The following TMTC1 variants were observed in gnomAD, a reference collection of about 807,000 sequenced individuals.
TMTC1 encodes protein O-mannosyl-transferase TMTC1.
TMTC1 carries 73 observed loss-of-function variants against 104.8 expected under a neutral mutation model. The observed-to-expected ratio is 0.70, with a 90% CI of 0.58 to 0.85. TMTC1 has a LOEUF of 0.85. TMTC1 is among the 40% of genes least tolerant of loss of function. TMTC1 has a pLI of 0.00. For synonymous variants in TMTC1, 434 were observed against 428.7 expected (o/e 1.01, Z -0.15); for missense variants, 1,035 against 1,096.1 (o/e 0.94, Z 0.79).
At position 29,505,147 on chromosome 12, in the gene TMTC1, A is replaced by C. The variant is rs1943670607; in HGVS notation, c.*1699T>G. The C allele has an allele frequency of 6.6e-6, 1 of 152,192 alleles. No individual in the cohort carries two copies. Among genetic ancestry groups the C allele is most frequent in the African/African-American group, 2.4e-5 (1 of 41,436 alleles). 9.4% of individuals were successfully genotyped at this position (152,192 alleles called of 1,614,324 possible). On this transcript the variant is annotated 3_prime_UTR_variant, in exon 18 of 18. Transcript: ENST00000539277. ...CTCCCTTCGCCATGCCTTCCGAAGA[A>C]GTTTTTCTTGTTTATTTAGACTTAC...
chr12:29,768,813 T>G (rs1400280165), intron 1 of TMTC1, among the ~76,000 whole-genome samples: 1 of 152,174 alleles, frequency 6.6e-6, no homozygotes, highest in Non-Finnish European at 1.5e-5. Flanking sequence ...GAAAACCAAT[T>G]GCTCAACATC....
chr12:29,577,658 G>A (rs1191035370), intron 8 of TMTC1, among the ~76,000 whole-genome samples: 3 of 152,114 alleles, frequency 2.0e-5, no homozygotes, highest in Non-Finnish European at 1.5e-5. Context: ...ATAAGTGACA[G>A]TATTGCATTT....
intron 11 of TMTC1, chr12:29,534,612 A>G (rs1453043366): frequency 3.3e-5 from 5 of 152,240 alleles, no homozygotes; most frequent in Non-Finnish European, 7.3e-5. Flanking sequence ...ACAAGTAAGG[A>G]AAAAGTATAT....
intron 6 of TMTC1, among the ~76,000 whole-genome samples, chr12:29,615,980 G>A (rs1946967390): frequency 6.6e-6 from 1 of 152,148 alleles, no homozygotes; most frequent in Admixed American, 6.5e-5. Context: ...CACGTTGCAA[G>A]AACATTTATC....
chr12:29,734,906 A>T (rs1591990064), intron 5 of TMTC1, among the ~76,000 whole-genome samples: 9 of 152,230 alleles, frequency 5.9e-5, no homozygotes, highest in Admixed American at 5.9e-4. Context: ...GTATAAATAT[A>T]GTCAGAACAT....
chr12:29,516,022 T>A (rs1446408676), intron 15 of TMTC1, among the ~76,000 whole-genome samples: 1 of 151,326 alleles, frequency 6.6e-6, no homozygotes, highest in Non-Finnish European at 1.5e-5. Flanking sequence ...GTTATGAGGA[T>A]TACATAAAAC....
chr12:29,631,866 G>T (rs1248346232), intron 6 of TMTC1, among the ~76,000 whole-genome samples: 1 of 152,058 alleles, frequency 6.6e-6, no homozygotes, highest in Admixed American at 6.6e-5. Flanking sequence ...TGCCAACATG[G>T]CTTTGTGATC....
intron 1 of TMTC1, among the ~76,000 whole-genome samples, chr12:29,781,031 A>G (rs1473072188): frequency 6.6e-6 from 1 of 152,244 alleles, no homozygotes; most frequent in Non-Finnish European, 1.5e-5. Flanking sequence ...TTCATAGCGA[A>G]TAGTTAATAA....
intron 5 of TMTC1, among the ~76,000 whole-genome samples, chr12:29,675,795 A>C (rs552446660): frequency 6.6e-6 from 1 of 152,300 alleles, no homozygotes; most frequent in South Asian, 2.1e-4. Flanking sequence ...TTTTCATCTA[A>C]CTTGGATGAG....
chr12:29,579,700 T>C (rs1945922941), intron 8 of TMTC1, among the ~76,000 whole-genome samples: 1 of 152,168 alleles, frequency 6.6e-6, no homozygotes, highest in Admixed American at 6.5e-5. Context: ...TCCAAACAAA[T>C]GTAGGGTTCT....
At chr12:29,571,583 T>TAC (rs36015543) in intron 9 of TMTC1, among the ~76,000 whole-genome samples, 8,303 of 148,094 alleles carry the variant, frequency 0.056, 364 homozygotes, top group African/African-American at 0.13. Context: ...CACACACACA[T>TAC]ACACACACAC....
intron 6 of TMTC1, among the ~76,000 whole-genome samples, chr12:29,620,059 A>G (rs961487809): frequency 9.9e-5 from 15 of 152,218 alleles, no homozygotes; most frequent in African/African-American, 3.6e-4. Flanking sequence ...AAAGGCAGTC[A>G]ATTGGATTTC....
At chr12:29,691,720 GAA>G (rs34338128) in intron 5 of TMTC1, among the ~76,000 whole-genome samples, 2 of 109,456 alleles carry the variant, frequency 1.8e-5, no homozygotes, top group Non-Finnish European at 3.7e-5. Flanking sequence ...CCAAAAGTAG[GAA>G]AAAAAAAAAA....
chr12:29,532,481 T>A (rs7314549), intron 11 of TMTC1: 1 of 152,026 alleles, frequency 6.6e-6, no homozygotes, highest in Non-Finnish European at 1.5e-5. Context: ...ATTAACCATA[T>A]ATTACAGCAA....
In TMTC1 at chr12:29,504,157, G is replaced by A. The variant is rs1943651163; in HGVS notation, c.*2689C>T. On this transcript the variant is annotated 3_prime_UTR_variant, in exon 18 of 18. Transcript: ENST00000539277. ...AGCTCGGGGTGCTTCTGTATGCAAG[G>A]CCCTGTGGGACTGCAAAAATTGCAC... The A allele has an allele frequency of 6.6e-6, 1 of 151,662 alleles. No homozygotes were observed. Among genetic ancestry groups the A allele is most frequent in the Non-Finnish European group, 1.5e-5 (1 of 67,902 alleles). The allele number at this position is 151,662 out of a possible 1,614,324, so 9.4% of individuals were successfully genotyped here.
intron 2 of TMTC1, among the ~76,000 whole-genome samples, chr12:29,759,068 T>C (rs560510941): frequency 2.4e-4 from 36 of 152,336 alleles, no homozygotes; most frequent in African/African-American, 8.7e-4. Context: ...TTTATTCATG[T>C]ATTAACTTAT....
chr12:29,623,386 C>T (rs1010483955), intron 6 of TMTC1, among the ~76,000 whole-genome samples: 2 of 152,182 alleles, frequency 1.3e-5, no homozygotes, highest in Non-Finnish European at 2.9e-5. Flanking sequence ...AAAGAGTATG[C>T]TCCCACCTCC....
chr12:29,606,717 T>C (rs545313104), intron 6 of TMTC1, among the ~76,000 whole-genome samples: 1 of 152,286 alleles, frequency 6.6e-6, no homozygotes. Context: ...GATACTGTTT[T>C]ACCCAATGAG....
intron 7 of TMTC1, among the ~76,000 whole-genome samples, chr12:29,586,792 A>T (rs1322442226): frequency 6.7e-6 from 1 of 149,232 alleles, no homozygotes; most frequent in Admixed American, 6.6e-5. Flanking sequence ...AGCCCACTTG[A>T]TCATGGTGGA....
Sources: gnomAD v4.1 joint callset for allele counts (sites outside exome capture counted in the v4.1 genomes callset) on GRCh38, gnomAD v4.1.1 for gene constraint, MANE v1.5 for transcripts, NCBI Gene and HGNC (gene_info 2026-07-23, HGNC 2026-07-21) for gene names.